Variants in BRD10 observed in about 807,000 individuals in gnomAD.
BRD10 encodes the protein uncharacterized bromodomain-containing protein 10.
At chr9:5,911,430 G>T in the BRD10 span, among the ~76,000 whole-genome samples, 1 of 140,334 alleles carries the variant, frequency 7.1e-6, no homozygotes. Context: ...TTTAATGCCA[G>T]TACCATGATG....
chr9:5,993,757 A>C, the BRD10 span, among the ~76,000 whole-genome samples: 4 of 152,328 alleles, frequency 2.6e-5, no homozygotes, highest in African/African-American at 9.6e-5. Flanking sequence ...ATCAGAAGTC[A>C]GAGGTCAAGG....
chr9:5,892,555 A>C, the BRD10 span: 1 of 1,611,928 alleles, frequency 6.2e-7, no homozygotes, highest in African/African-American at 1.3e-5. Context: ...CTGAAGAGTA[A>C]GTTCAAAACC....
the BRD10 span, among the ~76,000 whole-genome samples, chr9:5,942,583 T>C: frequency 5.3e-5 from 8 of 152,324 alleles, no homozygotes; most frequent in South Asian, 1.2e-3. Context: ...GGCTGTTTCA[T>C]TGGTTAAGAT....
the BRD10 span, chr9:5,968,692 C>A: frequency 3.1e-6 from 5 of 1,613,834 alleles, no homozygotes; most frequent in Non-Finnish European, 4.2e-6. Flanking sequence ...CATAGTCACA[C>A]TTCAATTTCT....
the BRD10 span, among the ~76,000 whole-genome samples, chr9:5,954,824 C>A: frequency 6.6e-6 from 1 of 152,170 alleles, no homozygotes. Flanking sequence ...GGCGCGGTGG[C>A]TCACACCTGT....
chr9:5,926,432 T>G, the BRD10 span, among the ~76,000 whole-genome samples: 2 of 152,150 alleles, frequency 1.3e-5, no homozygotes, highest in East Asian at 3.8e-4. Context: ...CTCAGCCTCC[T>G]GAGTAGCTGG....
At chr9:5,927,123 T>C in the BRD10 span, among the ~76,000 whole-genome samples, 59 of 152,286 alleles carry the variant, frequency 3.9e-4, no homozygotes, top group African/African-American at 1.4e-3. Flanking sequence ...TAGTATAAAG[T>C]TCTCCTCCCT....
At chr9:5,976,366 C>G in the BRD10 span, among the ~76,000 whole-genome samples, 1 of 152,124 alleles carries the variant, frequency 6.6e-6, no homozygotes. Context: ...CTGTTATTAA[C>G]AACAGGCAAA....
At chr9:5,895,192 CTG>C in the BRD10 span, among the ~76,000 whole-genome samples, 5 of 152,160 alleles carry the variant, frequency 3.3e-5, no homozygotes, top group Admixed American at 1.3e-4. Context: ...TAACTTCAGT[CTG>C]TGAGTGTAGG....
chr9:5,994,791 G>C, the BRD10 span, among the ~76,000 whole-genome samples: 1 of 152,044 alleles, frequency 6.6e-6, no homozygotes, highest in Non-Finnish European at 1.5e-5. Context: ...ATAATCTGTT[G>C]TCTAACTATA....
At chr9:5,911,583 G>A in the BRD10 span, among the ~76,000 whole-genome samples, 6 of 148,490 alleles carry the variant, frequency 4.0e-5, no homozygotes, top group Admixed American at 2.0e-4. Context: ...TTGCCCAGGC[G>A]GAGTGCAGTG....
the BRD10 span, among the ~76,000 whole-genome samples, chr9:5,945,333 C>G: frequency 6.6e-6 from 1 of 152,084 alleles, no homozygotes; most frequent in Admixed American, 6.6e-5. Flanking sequence ...CTTCATCAGG[C>G]AGTCTCCCAG....
chr9:5,909,381 C>T, the BRD10 span: 1 of 152,506 alleles, frequency 6.6e-6, no homozygotes, highest in East Asian at 1.9e-4. Flanking sequence ...GCCTTAGCCT[C>T]CTGAGTAGCT....
chr9:5,982,292 T>C, the BRD10 span, among the ~76,000 whole-genome samples: 26 of 152,214 alleles, frequency 1.7e-4, no homozygotes, highest in African/African-American at 6.3e-4. Context: ...GGACAAACAG[T>C]GCAGGACTGT....
the BRD10 span, among the ~76,000 whole-genome samples, chr9:5,915,883 ATTACT>A: frequency 6.6e-6 from 1 of 152,226 alleles, no homozygotes; most frequent in South Asian, 2.1e-4. Flanking sequence ...TTGTTTGATA[ATTACT>A]TTAAGAATGT....
At chr9:5,889,904 G>C in the BRD10 span, among the ~76,000 whole-genome samples, 1 of 152,154 alleles carries the variant, frequency 6.6e-6, no homozygotes, top group Admixed American at 6.5e-5. Context: ...CCTGCAAAAA[G>C]AAAATTTCAT....
At chr9:5,918,297 C>T in the BRD10 span, among the ~76,000 whole-genome samples, 2 of 152,130 alleles carry the variant, frequency 1.3e-5, no homozygotes, top group Non-Finnish European at 2.9e-5. Context: ...CATTTCCAAC[C>T]CCCAACAATA....
At chr9:5,881,691 T>C in the BRD10 span, 3 of 152,214 alleles carry the variant, frequency 2.0e-5, no homozygotes, top group African/African-American at 7.2e-5. Flanking sequence ...AAGAAGGATA[T>C]GATATTTAGG....
At chr9:5,971,890 T>C in the BRD10 span, among the ~76,000 whole-genome samples, 1 of 152,026 alleles carries the variant, frequency 6.6e-6, no homozygotes, top group Non-Finnish European at 1.5e-5. Flanking sequence ...AGAAAATTTT[T>C]TTGTCTTCAC....
Sources: gnomAD v4.1 joint callset for allele counts (sites outside exome capture counted in the v4.1 genomes callset) on GRCh38, gnomAD v4.1.1 for gene constraint, MANE v1.5 for transcripts, NCBI Gene and HGNC (gene_info 2026-07-23, HGNC 2026-07-21) for gene names.